Variants in TADA1 observed in about 807,000 individuals in gnomAD.
TADA1 encodes the protein transcriptional adapter 1.
Under a neutral mutation model 39.3 loss-of-function variants are expected in TADA1, and 23 were observed. That is an observed-to-expected ratio of 0.58 (90% CI 0.42 to 0.83). The LOEUF (loss-of-function observed/expected upper bound fraction) is 0.83. Ranked by LOEUF, TADA1 falls within the 40% of genes least tolerant of loss-of-function variation. The pLI is 0.00. For missense variants in TADA1, 352 were observed against 408.1 expected, an observed-to-expected ratio of 0.86 and a Z score of 1.18; for synonymous variants, 137 against 151.8, an observed-to-expected ratio of 0.90 and a Z score of 0.72.
Position 166,876,192 on chromosome 1 carries a change from G to A in TADA1, c.42C>T (p.Asn14=). 4 of 1,613,848 alleles carry A rather than the reference G, an allele frequency of 2.5e-6. No homozygotes were observed. The highest frequency in any genetic ancestry group is 3.4e-6 in the Non-Finnish European group (4 of 1,179,916). ...CGTTGTCCCCCAGGGCCTCGCTTAA[G>A]TTCTTCTTGGCCGCCTCCAGCTCGC... ...FVSELEAAKK[N]LSEALGDNVK... is the part of the protein sequence containing the mutation. The change falls in exon 1 of 8, where the codon AAC becomes AAT. Residue 14 remains asparagine, a synonymous_variant. Coordinates refer to ENST00000367874, the MANE Select transcript of TADA1 (RefSeq NM_053053.4).
chr1:166,862,102 A>G lies in TADA1; in HGVS notation c.540+101T>C, dbSNP rs1658428735. 4 of 1,138,172 alleles carry G rather than the reference A, an allele frequency of 3.5e-6. No individual in the cohort carries two copies. The East Asian group carries it at 9.5e-5, about 27-fold the overall frequency. 70.5% of individuals were successfully genotyped at this position (1,138,172 alleles called of 1,614,324 possible). On this transcript the variant is annotated intron_variant, in intron 5 of 7. Coordinates refer to ENST00000367874, the MANE Select transcript of TADA1 (RefSeq NM_053053.4). ...TCAACAATGACAATTCTGTGAAATC[A>G]GAGTGACATTTGGATTCTTTTCTTG...
chr1:166,866,607 T>G (rs1465746840), intron 3 of TADA1, among the ~76,000 whole-genome samples: 1 of 152,212 alleles, frequency 6.6e-6, no homozygotes, highest in Non-Finnish European at 1.5e-5. Context: ...GAATACATTC[T>G]CAAAATCCAA....
At chr1:166,876,126 G>A (rs1658763821) in intron 1 of TADA1, 34 bp downstream of exon 1, 2 of 1,590,472 alleles carry the variant, frequency 1.3e-6, no homozygotes, top group Non-Finnish European at 1.7e-6. Context: ...GCACCCGCGT[G>A]TTGGCCTGGA....
intron 5 of TADA1, 146 bp downstream of exon 5, chr1:166,862,056 CA>C (rs201115331): frequency 6.9e-5 from 58 of 836,616 alleles, no homozygotes; most frequent in Non-Finnish European, 8.3e-5. Flanking sequence ...GATGCTGTCT[CA>C]AAAAAAACAG....
intron 6 of TADA1, among the ~76,000 whole-genome samples, chr1:166,858,650 T>C (rs1161295012): frequency 1.3e-5 from 2 of 152,184 alleles, no homozygotes; most frequent in East Asian, 1.9e-4. Flanking sequence ...AAAGAAGACA[T>C]AGCACAGAAG....
chr1:166,869,294 C>G, intron 3 of TADA1, 151 bp downstream of exon 3: 1 of 482,460 alleles, frequency 2.1e-6, no homozygotes, highest in Non-Finnish European at 3.7e-6. Flanking sequence ...AAAAAAGATT[C>G]TGTAAAAGAA....
intron 1 of TADA1, 151 bp downstream of exon 1, chr1:166,876,009 C>G (rs1192809470): frequency 1.3e-6 from 1 of 765,788 alleles, no homozygotes; most frequent in African/African-American, 1.9e-5. Flanking sequence ...CCCGCCCCGC[C>G]CCGGCCGGAG....
At chr1:166,866,291 G>A (rs1571240283) in intron 3 of TADA1, among the ~76,000 whole-genome samples, 1 of 152,250 alleles carries the variant, frequency 6.6e-6, no homozygotes, top group African/African-American at 2.4e-5. Flanking sequence ...AAGGCCTAAG[G>A]CAAGTTTTTC....
intron 4 of TADA1, among the ~76,000 whole-genome samples, chr1:166,863,534 T>C (rs1397962741): frequency 6.6e-6 from 1 of 152,124 alleles, no homozygotes; most frequent in Non-Finnish European, 1.5e-5. Flanking sequence ...CCAAGAAACA[T>C]TATTCATTCA....
At chr1:166,859,071 G>A (rs1475999501) in intron 6 of TADA1, among the ~76,000 whole-genome samples, 1 of 152,200 alleles carries the variant, frequency 6.6e-6, no homozygotes, top group African/African-American at 2.4e-5. Flanking sequence ...AAACAGATAC[G>A]CCTGAATGGG....
At chr1:166,875,982 G>T (rs1461426137) in intron 1 of TADA1, among the ~76,000 whole-genome samples, 178 bp downstream of exon 1, 2 of 152,180 alleles carry the variant, frequency 1.3e-5, no homozygotes, top group Non-Finnish European at 2.9e-5. Context: ...TCTCTCCAGG[G>T]CGGTGAGTTC....
intron 3 of TADA1, among the ~76,000 whole-genome samples, chr1:166,866,216 T>C (rs1314117957): frequency 3.9e-5 from 6 of 152,208 alleles, no homozygotes; most frequent in Admixed American, 2.0e-4. Flanking sequence ...CCTGACAAAA[T>C]GGAAGGCTTT....
At position 166,857,409 on chromosome 1, in the gene TADA1, G is replaced by T; in HGVS notation, c.*158C>A. On this transcript the variant is annotated 3_prime_UTR_variant, in exon 8 of 8. Coordinates refer to ENST00000367874, the MANE Select transcript of TADA1 (RefSeq NM_053053.4). Reference sequence around the variant, plus strand: ...TCATTACCAAAGATTTATATTAATGGCTTCACAACAGCAACACAAAATGTA... The same window carrying T: ...TCATTACCAAAGATTTATATTAATGTCTTCACAACAGCAACACAAAATGTA... 2 of 794,994 alleles carry T rather than the reference G, an allele frequency of 2.5e-6. No homozygotes were observed. Among genetic ancestry groups the T allele is most frequent in the Non-Finnish European group, 2.0e-6 (1 of 509,290 alleles). 49.2% of individuals were successfully genotyped at this position (794,994 alleles called of 1,614,324 possible).
At position 166,857,476 on chromosome 1, in the gene TADA1, T is replaced by C. The variant is rs75446412; in HGVS notation, c.*91A>G. On this transcript the variant is annotated 3_prime_UTR_variant, in exon 8 of 8. Transcript: ENST00000367874. ...CATAGGAAAGGTTATATATACACTA[T>C]ACACTTCAGCCTTGAAATGTGGACC... 34,025 of 1,428,594 alleles carry C rather than the reference T, an allele frequency of 0.024. 540 individuals are homozygous for C. The highest frequency in any genetic ancestry group is 0.044 in the African/African-American group (3,091 of 70,420). 88.5% of individuals were successfully genotyped at this position (1,428,594 alleles called of 1,614,324 possible).
At chr1:166,859,028 G>A (rs1280349257) in intron 6 of TADA1, among the ~76,000 whole-genome samples, 1 of 152,208 alleles carries the variant, frequency 6.6e-6, no homozygotes, top group African/African-American at 2.4e-5. Flanking sequence ...GCCACTTTTG[G>A]GGATTTGTTT....
chr1:166,857,675 G>GTT lies in TADA1; in HGVS notation c.898_899dup (p.Asn300LysfsTer56). 1 of 1,614,172 alleles carries GTT rather than the reference G, an allele frequency of 6.2e-7. No individual in the cohort carries two copies. The highest frequency in any genetic ancestry group is 8.5e-7 in the Non-Finnish European group (1 of 1,180,030). ...AGAGTTTCGTGATGATCCTTTCAATGTTAAGAGCATAGACAGTATGTGTAG... is the reference window on the plus strand; with the variant it reads ...AGAGTTTCGTGATGATCCTTTCAATGTTTTAAGAGCATAGACAGTATGTGTAG... On this transcript the variant is annotated frameshift_variant, in exon 8 of 8. Transcript: ENST00000367874. LOFTEE classifies it high-confidence loss of function.
chr1:166,873,438 C>T (rs1161259465), intron 1 of TADA1, among the ~76,000 whole-genome samples: 2 of 152,104 alleles, frequency 1.3e-5, no homozygotes, highest in East Asian at 3.9e-4. Flanking sequence ...ACCAGTCAGA[C>T]ATGAAGGATG....
intron 4 of TADA1, chr1:166,862,965 T>C (rs76527514): frequency 0.018 from 2,832 of 155,352 alleles, 87 homozygotes; most frequent in African/African-American, 0.064. Flanking sequence ...TCTCAGTCTT[T>C]TTCATTCATA....
rs778684722 is a variant in TADA1, at chr1:166,858,229, G to C, written c.745C>G (p.Pro249Ala). 5 of 1,610,724 alleles carry C rather than the reference G, an allele frequency of 3.1e-6. No individual in the cohort carries two copies. The highest frequency in any genetic ancestry group is 3.4e-6 in the Non-Finnish European group (4 of 1,178,844). The change falls in exon 7 of 8, where the codon CCC becomes GCC. Residue 249 changes from proline to alanine, a missense_variant. Coordinates refer to ENST00000367874, the MANE Select transcript of TADA1 (RefSeq NM_053053.4). ...CAGQNPASHP[P>A]PDDAEQQAAL... Reference sequence around the variant, plus strand: ...GCCTGCTGCTCAGCATCATCAGGGGGTGGGTGAGAAGCTGGATTCTGACCA... The same window carrying C: ...GCCTGCTGCTCAGCATCATCAGGGGCTGGGTGAGAAGCTGGATTCTGACCA...
Sources: allele counts gnomAD v4.1 joint callset (sites outside exome capture counted in the v4.1 genomes callset), GRCh38; gene constraint gnomAD v4.1.1; transcripts MANE v1.5; gene names NCBI Gene and HGNC (gene_info 2026-07-23, HGNC 2026-07-21).